Variants in L3MBTL4 observed in about 807,000 individuals in gnomAD.
L3MBTL4 encodes the protein L3MBTL histone methyl-lysine binding protein 4, also known as lethal(3)malignant brain tumor-like protein 4.
L3MBTL4 carries 70 observed loss-of-function variants against 84.5 expected under a neutral mutation model. That is an observed-to-expected ratio of 0.83 (90% CI 0.68 to 1.01). L3MBTL4 has a LOEUF of 1.01. L3MBTL4 is among the 50% of genes least tolerant of loss of function. The probability of loss-of-function intolerance (pLI) is 0.00; values close to 1 mark genes in which losing one functional copy is unlikely to be tolerated. For missense variants in L3MBTL4, 715 were observed against 754.8 expected, an observed-to-expected ratio of 0.95 and a Z score of 0.62; for synonymous variants, 274 against 259.8, an observed-to-expected ratio of 1.05 and a Z score of -0.52.
intron 9 of L3MBTL4, 31 bp from the exon 10 acceptor site, chr18:6,238,071 GT>G: frequency 6.3e-7 from 1 of 1,580,970 alleles, no homozygotes; most frequent in Non-Finnish European, 8.7e-7. Context: ...ATTACGTTCC[GT>G]TTTACTTCAT....
rs541569080 is a variant in L3MBTL4, at chr18:6,097,703, C to A, written c.1200-4175G>T. Among the ~76,000 whole-genome samples the A allele has an allele frequency of 9.8e-5, 15 of 152,318 alleles. No homozygotes were observed. In the South Asian group the frequency reaches 3.1e-3, roughly 32 times the overall value. ...TCTGTGCAAATGCCATGCTCAGAAG[C>A]CCTAGTCAGCCTTGTGGGCTCCGGT... On this transcript the variant is annotated intron_variant, in intron 14 of 18. Transcript: ENST00000317931.
chr18:6,179,918 A>G (rs1481047025), intron 12 of L3MBTL4, among the ~76,000 whole-genome samples: 2 of 152,212 alleles, frequency 1.3e-5, no homozygotes, highest in Non-Finnish European at 2.9e-5. Flanking sequence ...GATTACAGGC[A>G]TGAGGCACTG....
intron 16 of L3MBTL4, among the ~76,000 whole-genome samples, chr18:6,062,716 G>A (rs781091986): frequency 2.4e-4 from 37 of 151,718 alleles, no homozygotes; most frequent in African/African-American, 7.5e-4. Flanking sequence ...GAAGTTCTAC[G>A]GACACAGCTT....
Position 6,050,734 on chromosome 18 carries a change from T to C in L3MBTL4, c.1444+30147A>G, listed in dbSNP as rs142018081. Reference sequence around the variant, plus strand: ...TTTTTCTCTTCTTCTCTTAGGGAAATAGCATGGGTCTGAAATGAGTTCTGG... The same window carrying C: ...TTTTTCTCTTCTTCTCTTAGGGAAACAGCATGGGTCTGAAATGAGTTCTGG... On this transcript the variant is annotated intron_variant, in intron 16 of 18. Coordinates refer to ENST00000317931, the MANE Select transcript of L3MBTL4 (RefSeq NM_001330559.2). 4.1e-3 allele frequency among the ~76,000 whole-genome samples: 631 copies of C among 152,212 alleles called. 8 individuals carry two copies. Among genetic ancestry groups the C allele is most frequent in the African/African-American group, 0.015 (613 of 41,532 alleles).
chr18:6,149,785 C>T (rs2042812975), intron 13 of L3MBTL4, among the ~76,000 whole-genome samples: 1 of 152,168 alleles, frequency 6.6e-6, no homozygotes, highest in Admixed American at 6.5e-5. Context: ...TAATTTGGTA[C>T]TTGGTTTATG....
chr18:6,180,485 C>T (rs1027555153), intron 12 of L3MBTL4, among the ~76,000 whole-genome samples: 1 of 152,102 alleles, frequency 6.6e-6, no homozygotes, highest in Non-Finnish European at 1.5e-5. Flanking sequence ...ACTCCTTGTC[C>T]CTGCTAACCT....
intron 1 of L3MBTL4, among the ~76,000 whole-genome samples, chr18:6,357,606 A>G (rs1379127209): frequency 6.6e-6 from 1 of 152,190 alleles, no homozygotes; most frequent in Non-Finnish European, 1.5e-5. Context: ...TCATCAAGAC[A>G]CTACATACAC....
At chr18:6,194,775 T>G (rs951209448) in intron 12 of L3MBTL4, among the ~76,000 whole-genome samples, 14 of 152,186 alleles carry the variant, frequency 9.2e-5, no homozygotes, top group Admixed American at 7.9e-4. Context: ...AGGAAAGGCA[T>G]GGCAGCATCC....
chr18:6,005,165 G>A (rs1328698607), intron 16 of L3MBTL4, among the ~76,000 whole-genome samples: 1 of 151,762 alleles, frequency 6.6e-6, no homozygotes, highest in Non-Finnish European at 1.5e-5. Flanking sequence ...CCAACATGGT[G>A]AAACCCCATC....
intron 16 of L3MBTL4, among the ~76,000 whole-genome samples, chr18:6,010,630 A>G (rs1443568272): frequency 6.6e-6 from 1 of 152,216 alleles, no homozygotes; most frequent in African/African-American, 2.4e-5. Flanking sequence ...GCTGAGCTAA[A>G]ATGGAAATAT....
intron 15 of L3MBTL4, among the ~76,000 whole-genome samples, chr18:6,092,554 G>A (rs901604531): frequency 4.6e-5 from 7 of 152,214 alleles, no homozygotes; most frequent in African/African-American, 1.7e-4. Flanking sequence ...GAACATGATT[G>A]CCTTTTGCCT....
At chr18:6,169,843 T>TAAA (rs991408908) in intron 13 of L3MBTL4, among the ~76,000 whole-genome samples, 3 of 150,696 alleles carry the variant, frequency 2.0e-5, no homozygotes, top group South Asian at 2.1e-4. Flanking sequence ...ATAATAATAA[T>TAAA]AAAAGAAAAA....
intron 15 of L3MBTL4, among the ~76,000 whole-genome samples, chr18:6,086,016 T>C (rs772693974): frequency 6.6e-6 from 1 of 152,210 alleles, no homozygotes; most frequent in Non-Finnish European, 1.5e-5. Flanking sequence ...TGCTGTTTGA[T>C]AGAAAAAGGT....
At chr18:6,320,046 T>A (rs930029065) in intron 1 of L3MBTL4, among the ~76,000 whole-genome samples, 1 of 152,030 alleles carries the variant, frequency 6.6e-6, no homozygotes, top group Non-Finnish European at 1.5e-5. Context: ...AAAAGCCATA[T>A]GATCATTTCA....
intron 3 of L3MBTL4, among the ~76,000 whole-genome samples, chr18:6,302,343 T>C (rs545659779): frequency 6.6e-6 from 1 of 152,352 alleles, no homozygotes; most frequent in African/African-American, 2.4e-5. Flanking sequence ...TCAGCCTATC[T>C]GGGTCTACTA....
intron 1 of L3MBTL4, among the ~76,000 whole-genome samples, chr18:6,327,597 A>G (rs1476072871): frequency 6.6e-6 from 1 of 152,208 alleles, no homozygotes; most frequent in Non-Finnish European, 1.5e-5. Context: ...GCTGAAAAGG[A>G]GACCAACGAC....
At chr18:6,228,758 C>A (rs189684843) in intron 10 of L3MBTL4, among the ~76,000 whole-genome samples, 2 of 152,142 alleles carry the variant, frequency 1.3e-5, no homozygotes, top group African/African-American at 4.8e-5. Context: ...CATGGAGATG[C>A]GGGGAGAGAA....
chr18:5,995,217 T>G (rs192753132), intron 16 of L3MBTL4, among the ~76,000 whole-genome samples: 3 of 152,252 alleles, frequency 2.0e-5, no homozygotes, highest in African/African-American at 4.8e-5. Flanking sequence ...AAGGTAAAGA[T>G]GCAATCAAGG....
At chr18:6,338,669 A>T (rs2052458404) in intron 1 of L3MBTL4, among the ~76,000 whole-genome samples, 1 of 152,034 alleles carries the variant, frequency 6.6e-6, no homozygotes, top group Admixed American at 6.6e-5. Context: ...AATGTAAAGG[A>T]GTCAAATACT....
Sources: gnomAD v4.1 joint callset for allele counts (sites outside exome capture counted in the v4.1 genomes callset) on GRCh38, gnomAD v4.1.1 for gene constraint, MANE v1.5 for transcripts, NCBI Gene and HGNC (gene_info 2026-07-23, HGNC 2026-07-21) for gene names.